Variants in GABRB3 observed in about 807,000 individuals in gnomAD.
GABRB3 encodes gamma-aminobutyric acid type A receptor subunit beta3, also known as gamma-aminobutyric acid receptor subunit beta-3.
GABRB3 carries 14 observed loss-of-function variants against 52.1 expected under a neutral mutation model. The ratio of observed to expected loss-of-function variants is 0.27; its 90% CI spans 0.18 to 0.42. The LOEUF is 0.42. Among genes scored for constraint, GABRB3 ranks in the 10% least tolerant of loss-of-function variants. The pLI is 1.00. For synonymous variants in GABRB3, 260 were observed against 232.3 expected (o/e 1.12, Z -1.08); for missense variants, 307 against 609.1 (o/e 0.50, Z 5.22).
At chr15:26,669,013 C>T (rs1379830783) in intron 3 of GABRB3, among the ~76,000 whole-genome samples, 4 of 152,196 alleles carry the variant, frequency 2.6e-5, no homozygotes, top group Admixed American at 6.5e-5. Flanking sequence ...CCTGCCCCTC[C>T]GTGATGGCAG....
intron 4 of GABRB3, among the ~76,000 whole-genome samples, chr15:26,620,948 A>C (rs73368356): frequency 6.6e-6 from 1 of 152,140 alleles, no homozygotes; most frequent in Non-Finnish European, 1.5e-5. Flanking sequence ...TCAACTGTGC[A>C]GACAGCTTTG....
Position 26,684,305 on chromosome 15 carries a change from G to C in GABRB3, c.241-62771C>G, listed in dbSNP as rs563996746. On this transcript the variant is annotated intron_variant, in intron 3 of 8. Transcript: ENST00000311550. ...ACATTGCCACCTATTCCTGGACGCAGGGTGGAGGTCTGGTGGCCACAGGCA... is the reference window on the plus strand; with the variant it reads ...ACATTGCCACCTATTCCTGGACGCACGGTGGAGGTCTGGTGGCCACAGGCA... Among the ~76,000 whole-genome samples, 8 of 152,284 alleles carry C rather than the reference G, an allele frequency of 5.3e-5. No individual in the cohort carries two copies. In the East Asian group the frequency reaches 1.5e-3, roughly 29 times the overall value.
At position 26,570,104 on chromosome 15, in the gene GABRB3, C is replaced by G. The variant is rs1890337758; in HGVS notation, c.683-2371G>C. Among the ~76,000 whole-genome samples, 4 of 152,326 alleles carry G rather than the reference C, an allele frequency of 2.6e-5. 1 individual carries two copies. In the South Asian group the frequency reaches 8.3e-4, roughly 32 times the overall value. On this transcript the variant is annotated intron_variant, in intron 6 of 8. Coordinates refer to ENST00000311550, the MANE Select transcript of GABRB3 (RefSeq NM_000814.6). ...CCTAACTTTTTGTATGCAATTACTTCTATCCATTTCACTTTTTCCCTTGTG... is the reference window on the plus strand; with the variant it reads ...CCTAACTTTTTGTATGCAATTACTTGTATCCATTTCACTTTTTCCCTTGTG...
chr15:26,677,223 C>G (rs1334919874), intron 3 of GABRB3, among the ~76,000 whole-genome samples: 2 of 152,152 alleles, frequency 1.3e-5, no homozygotes, highest in Non-Finnish European at 2.9e-5. Context: ...TTCTGCCCCC[C>G]AAATACGTTC....
rs200060357 is a variant in GABRB3, at chr15:26,616,956, T to TAA, written c.461+4356_461+4357dup. The stretch of plus-strand genomic sequence containing the variant: ...ACAGACTGACATACTCTACTTCTGT[T>TAA]AAAAAAAAAAACAAAAAGTGTATGT... On this transcript the variant is annotated intron_variant, in intron 4 of 8. Coordinates refer to ENST00000311550, the MANE Select transcript of GABRB3 (RefSeq NM_000814.6). Among the ~76,000 whole-genome samples the TAA allele has an allele frequency of 1.8e-3, 267 of 148,548 alleles. 2 individuals are homozygous for TAA. Among genetic ancestry groups the TAA allele is most frequent in the Middle Eastern group, 6.9e-3 (2 of 290 alleles).
chr15:26,568,613 T>C (rs1256845934), intron 6 of GABRB3, among the ~76,000 whole-genome samples: 1 of 148,024 alleles, frequency 6.8e-6, no homozygotes, highest in African/African-American at 2.5e-5. Context: ...TTCTCTTGCC[T>C]CAGCCTCCCG....
intron 3 of GABRB3, among the ~76,000 whole-genome samples, chr15:26,665,432 T>G (rs536435363): frequency 5.8e-4 from 89 of 152,338 alleles, no homozygotes; most frequent in Non-Finnish European, 9.3e-4. Flanking sequence ...GATGTAAACA[T>G]AAAATTAAAG....
chr15:26,741,061 T>A (rs200836971), intron 3 of GABRB3, among the ~76,000 whole-genome samples: 52,701 of 150,942 alleles, frequency 0.35, 10,653 homozygotes, highest in East Asian at 0.54. Context: ...TGTGTGTGTG[T>A]GTGTGTGTGT....
Position 26,742,924 on chromosome 15 carries a change from C to CTTTTTTTTTT in GABRB3, c.240+29468_240+29477dup, listed in dbSNP as rs779891729. 6.1e-5 allele frequency among the ~76,000 whole-genome samples: 3 copies of CTTTTTTTTTT among 48,832 alleles called. 1 individual carries two copies. The highest frequency in any genetic ancestry group is 1.1e-4 in the African/African-American group (2 of 17,434). The allele number at this position is 48,832 out of a possible 152,430, so 32.0% of individuals were successfully genotyped here. ...ACCTTATCATTAGCCATTAGAGATT[C>CTTTTTTTTTT]TTTTTTTTTTTTTTTTTTTTTTTGA... On this transcript the variant is annotated intron_variant, in intron 3 of 8. Transcript: ENST00000311550.
chr15:26,616,450 T>G (rs2140527059), intron 4 of GABRB3, among the ~76,000 whole-genome samples: 1 of 152,276 alleles, frequency 6.6e-6, no homozygotes, highest in South Asian at 2.1e-4. Context: ...TGATGTAAGT[T>G]TAGCTGCTAA....
chr15:26,727,590 C>T (rs1386725108), intron 3 of GABRB3, among the ~76,000 whole-genome samples: 1 of 152,160 alleles, frequency 6.6e-6, no homozygotes, highest in Non-Finnish European at 1.5e-5. Flanking sequence ...TCAGGGATTG[C>T]TCCTAGAAGC....
At chr15:26,626,434 ATTAAGC>A (rs1008356545) in intron 3 of GABRB3, among the ~76,000 whole-genome samples, 5 of 152,174 alleles carry the variant, frequency 3.3e-5, no homozygotes, top group Admixed American at 6.5e-5. Flanking sequence ...ACCAGAAATG[ATTAAGC>A]TTAGTGAGGG....
intron 4 of GABRB3, among the ~76,000 whole-genome samples, chr15:26,602,145 C>T (rs1891612082): frequency 6.6e-6 from 1 of 152,024 alleles, no homozygotes; most frequent in Admixed American, 6.5e-5. Flanking sequence ...CTAGACAAAA[C>T]ATATAAGAAG....
intron 3 of GABRB3, among the ~76,000 whole-genome samples, chr15:26,709,952 A>G (rs1488609457): frequency 1.2e-4 from 18 of 152,172 alleles, no homozygotes; most frequent in Admixed American, 1.2e-3. Flanking sequence ...TTTTGCAGTC[A>G]TTCTCTACTT....
At chr15:26,773,349 C>A (rs1184181118), upstream of GABRB3, among the ~76,000 whole-genome samples, 2 of 150,694 alleles carry the variant, frequency 1.3e-5, no homozygotes, top group African/African-American at 4.8e-5. Flanking sequence ...CCGGACGCTG[C>A]GAGCGGAGCC....
At chr15:26,568,328 C>T (rs1446659784) in intron 6 of GABRB3, among the ~76,000 whole-genome samples, 3 of 152,132 alleles carry the variant, frequency 2.0e-5, no homozygotes, top group Non-Finnish European at 4.4e-5. Flanking sequence ...CAAAGGAGCA[C>T]CTGTCTGCCT....
chr15:26,624,683 A>G (rs1892618426), intron 3 of GABRB3: 2 of 984,304 alleles, frequency 2.0e-6, no homozygotes, highest in Admixed American at 6.1e-5. Context: ...AACCCGCTGC[A>G]TGTGATCAGC....
chr15:26,671,825 G>C (rs904465095), intron 3 of GABRB3, among the ~76,000 whole-genome samples: 2 of 152,060 alleles, frequency 1.3e-5, no homozygotes, highest in Non-Finnish European at 2.9e-5. Context: ...GGTGGTGAGG[G>C]CTCTGAGCCT....
At chr15:26,629,261 G>T in intron 3 of GABRB3, 1 of 1,203,664 alleles carries the variant, frequency 8.3e-7, no homozygotes. Context: ...CCCCGAGAGG[G>T]AGGAGGCGTG....
Sources: gnomAD v4.1 joint callset for allele counts (sites outside exome capture counted in the v4.1 genomes callset) on GRCh38, gnomAD v4.1.1 for gene constraint, MANE v1.5 for transcripts, NCBI Gene and HGNC (gene_info 2026-07-23, HGNC 2026-07-21) for gene names.